Variants in ENDOD1 observed in about 807,000 individuals in gnomAD.
ENDOD1 encodes the protein endonuclease domain containing 1.
ENDOD1 carries 9 observed loss-of-function variants against 6.5 expected under a neutral mutation model. The observed-to-expected ratio is 1.39, with a 90% CI of 0.84 to 2.43. The LOEUF (loss-of-function observed/expected upper bound fraction) is 2.43, where lower values mean the gene tolerates loss of function less well. Among genes scored for constraint, ENDOD1 ranks in the 30% most tolerant of loss-of-function variants. The probability of loss-of-function intolerance (pLI) is 0.00; values close to 1 mark genes in which losing one functional copy is unlikely to be tolerated. For missense variants in ENDOD1, 648 were observed against 635.5 expected, an observed-to-expected ratio of 1.02 and a Z score of -0.21; for synonymous variants, 255 against 255.2, an observed-to-expected ratio of 1.00 and a Z score of 0.01.
At chr11:95,100,865 G>T (rs1450571035) in intron 1 of ENDOD1, among the ~76,000 whole-genome samples, 204 of 72,146 alleles carry the variant, frequency 2.8e-3, no homozygotes, top group South Asian at 7.3e-3. Flanking sequence ...CCTGCTGGGT[G>T]TTTTTTTTTT....
intron 1 of ENDOD1, among the ~76,000 whole-genome samples, chr11:95,097,754 T>C (rs1555110469): frequency 1.3e-5 from 2 of 152,136 alleles, no homozygotes; most frequent in African/African-American, 4.8e-5. Flanking sequence ...ATATTCTGGA[T>C]ATATTGTGAA....
chr11:95,090,292 A>C (rs1427447769), intron 1 of ENDOD1, 65 bp downstream of exon 1: 4 of 1,346,420 alleles, frequency 3.0e-6, no homozygotes, highest in Non-Finnish European at 3.8e-6. Flanking sequence ...ACATGCCCCC[A>C]GTTGCAGCTA....
At chr11:95,115,197 A>G (rs1555112357) in intron 1 of ENDOD1, among the ~76,000 whole-genome samples, 1 of 151,796 alleles carries the variant, frequency 6.6e-6, no homozygotes, top group Non-Finnish European at 1.5e-5. Flanking sequence ...CATTATACAG[A>G]TCTTTTACTT....
At chr11:95,127,932 G>A (rs1196258794) in intron 1 of ENDOD1, among the ~76,000 whole-genome samples, 2 of 152,048 alleles carry the variant, frequency 1.3e-5, no homozygotes, top group South Asian at 2.1e-4. Flanking sequence ...GCTAATTTTT[G>A]TATTTTTAGT....
intron 1 of ENDOD1, among the ~76,000 whole-genome samples, chr11:95,093,253 A>G (rs552872253): frequency 6.6e-6 from 1 of 152,290 alleles, no homozygotes; most frequent in East Asian, 1.9e-4. Flanking sequence ...CTCCACCCTC[A>G]TATTTTATGT....
rs1047072964 is a variant in ENDOD1 at position 95,132,259 on chromosome 11, C to G, written c.*2680C>G. 20 of 152,642 alleles carry G rather than the reference C, an allele frequency of 1.3e-4. No individual in the cohort carries two copies. The highest frequency in any genetic ancestry group is 4.8e-4 in the African/African-American group (20 of 41,440). The allele number at this position is 152,642 out of a possible 1,614,324, so 9.5% of individuals were successfully genotyped here. A position where few individuals can be genotyped will look rare whatever the true frequency, so the allele number is the denominator to read the frequency against. On this transcript the variant is annotated 3_prime_UTR_variant, in exon 2 of 2. Coordinates refer to ENST00000278505, the MANE Select transcript of ENDOD1 (RefSeq NM_015036.3). ...TTTTGAATGTTGTCTTCTCACTCAG[C>G]ATCAGCACTTCGATCTAAATGCAGA...
chr11:95,124,933 A>G (rs1859297018), intron 1 of ENDOD1, among the ~76,000 whole-genome samples: 2 of 152,112 alleles, frequency 1.3e-5, no homozygotes, highest in South Asian at 4.1e-4. Context: ...TAACAACAGG[A>G]CACTTGGTCT....
At chr11:95,090,397 G>GT (rs56873935) in intron 1 of ENDOD1, among the ~76,000 whole-genome samples, 170 bp downstream of exon 1, 152,274 of 152,284 alleles carry the variant, frequency 1, 76,132 homozygotes, top group Middle Eastern at 1. Flanking sequence ...CGTCCCCGGA[G>GT]TTAGCCTGCC....
chr11:95,102,825 T>C (rs147489146), intron 1 of ENDOD1, among the ~76,000 whole-genome samples: 474 of 152,304 alleles, frequency 3.1e-3, no homozygotes, highest in African/African-American at 0.01. Context: ...ATCTTTAAAA[T>C]GAAGGGTGAA....
intron 1 of ENDOD1, among the ~76,000 whole-genome samples, chr11:95,115,065 A>C (rs1859192382): frequency 6.6e-6 from 1 of 152,172 alleles, no homozygotes; most frequent in African/African-American, 2.4e-5. Context: ...ATTGCATTGA[A>C]TCTGTAGATT....
intron 1 of ENDOD1, among the ~76,000 whole-genome samples, chr11:95,123,585 T>C (rs993827890): frequency 9.0e-5 from 2 of 22,134 alleles, no homozygotes; most frequent in African/African-American, 1.3e-4. Flanking sequence ...GTAGTATAAA[T>C]ACCAAAAAAA....
At chr11:95,120,957 A>G (rs1464623947) in intron 1 of ENDOD1, among the ~76,000 whole-genome samples, 1 of 152,194 alleles carries the variant, frequency 6.6e-6, no homozygotes, top group Non-Finnish European at 1.5e-5. Context: ...CAAGGGCAGC[A>G]CTGAGTTCAA....
At chr11:95,107,437 C>G (rs1160909539) in intron 1 of ENDOD1, among the ~76,000 whole-genome samples, 1 of 151,872 alleles carries the variant, frequency 6.6e-6, no homozygotes, top group Non-Finnish European at 1.5e-5. Flanking sequence ...TTGATCTTGT[C>G]TGAACTCAGA....
intron 1 of ENDOD1, among the ~76,000 whole-genome samples, chr11:95,114,176 G>C (rs1343189412): frequency 6.6e-6 from 1 of 152,132 alleles, no homozygotes. Flanking sequence ...TGATGCCCAG[G>C]CACAATCTTG....
rs778952097 is a variant in ENDOD1, at chr11:95,128,452, A to T, written c.376A>T (p.Ser126Cys). 14 of 1,614,224 alleles carry T rather than the reference A, an allele frequency of 8.7e-6. No homozygotes were observed. The East Asian group carries it at 1.8e-4, about 21-fold the overall frequency. Residue 126 changes from serine (S) to cysteine (C), a missense_variant, in exon 2 of 2, where the codon AGC (serine) becomes TGC (cysteine). Coordinates refer to ENST00000278505, the MANE Select transcript of ENDOD1 (RefSeq NM_015036.3). Reference protein sequence around the residue: ...EAITSVNSLGSKQALNTDYLD... With the variant: ...EAITSVNSLGCKQALNTDYLD... ...CATCACCTCTGTGAACAGCCTGGGA[A>T]GCAAGCAAGCCTTGAATACAGATTA...
chr11:95,115,263 G>A (rs926155298), intron 1 of ENDOD1, among the ~76,000 whole-genome samples: 7 of 151,810 alleles, frequency 4.6e-5, no homozygotes, highest in Non-Finnish European at 8.8e-5. Context: ...TTTTAAGTGG[G>A]ATTACTTTTC....
At chr11:95,094,944 C>G (rs960317141) in intron 1 of ENDOD1, among the ~76,000 whole-genome samples, 1 of 152,186 alleles carries the variant, frequency 6.6e-6, no homozygotes, top group Non-Finnish European at 1.5e-5. Context: ...CAAGATAACA[C>G]ATGAGAGCAT....
chr11:95,100,865 G>GGT (rs1555110779), intron 1 of ENDOD1, among the ~76,000 whole-genome samples: 2 of 72,292 alleles, frequency 2.8e-5, no homozygotes, highest in Non-Finnish European at 4.7e-5. Flanking sequence ...CCTGCTGGGT[G>GGT]TTTTTTTTTT....
At chr11:95,094,441 A>G (rs548323536) in intron 1 of ENDOD1, among the ~76,000 whole-genome samples, 20 of 152,156 alleles carry the variant, frequency 1.3e-4, no homozygotes, top group African/African-American at 4.1e-4. Context: ...CTCCACTTCT[A>G]TTTTCTGACA....
Sources: allele counts gnomAD v4.1 joint callset (sites outside exome capture counted in the v4.1 genomes callset), GRCh38; gene constraint gnomAD v4.1.1; transcripts MANE v1.5; gene names NCBI Gene and HGNC (gene_info 2026-07-23, HGNC 2026-07-21).